Variants in RIF1 observed in about 807,000 individuals in gnomAD.
RIF1 encodes the protein replication timing regulatory factor 1.
In RIF1, 45 loss-of-function variants were observed where a neutral mutation model predicts 247.1. The observed-to-expected ratio is 0.18, with a 90% CI of 0.14 to 0.23. The LOEUF (loss-of-function observed/expected upper bound fraction) is 0.23, where lower values mean the gene tolerates loss of function less well. RIF1 is among the 10% of genes least tolerant of loss of function. RIF1 has a pLI of 1.00. For missense variants in RIF1, 2,967 were observed against 2,862.5 expected (o/e 1.04, Z -0.83); for synonymous variants, 1,087 against 978.8 (o/e 1.11, Z -2.06).
the RIF1 span, chr2:151,534,382 CAAGGTA>C: frequency 1.4e-6 from 2 of 1,396,098 alleles, no homozygotes; most frequent in Non-Finnish European, 2.0e-6. Context: ...AAAAATGTCT[CAAGGTA>C]AACACTCCAG....
chr2:151,492,924 T>G (rs1321112786), intron 9 of RIF1: 1 of 180,076 alleles, frequency 5.6e-6, no homozygotes, highest in Non-Finnish European at 1.2e-5. Flanking sequence ...GAAATCAAAG[T>G]CCTCCAGACA....
rs1444817025 is a variant in RIF1, at chr2:151,480,521, A to G, written c.*5450A>G. ...CTCTGAGAGCTATTCTGTACATAGC[A>G]CAGTATTATAATTGATGTTCATAAA... On this transcript the variant is annotated 3_prime_UTR_variant, in exon 36 of 36. Transcript: ENST00000444746. 4 of 152,322 alleles carry G rather than the reference A, an allele frequency of 2.6e-5. No individual in the cohort carries two copies. In the East Asian group the frequency reaches 7.7e-4, roughly 29 times the overall value. The allele number at this position is 152,322 out of a possible 1,614,324, so 9.4% of individuals were successfully genotyped here. A position where few individuals can be genotyped will look rare whatever the true frequency, so the allele number is the denominator to read the frequency against.
intron 22 of RIF1, among the ~76,000 whole-genome samples, chr2:151,456,260 C>G (rs1695181500): frequency 6.6e-6 from 1 of 152,150 alleles, no homozygotes; most frequent in African/African-American, 2.4e-5. Context: ...AATCCATGAA[C>G]TTTTCTTTGC....
intron 9 of RIF1, chr2:151,491,544 A>G: frequency 1.4e-6 from 1 of 730,140 alleles, no homozygotes; most frequent in Admixed American, 2.3e-5. Context: ...CTAGTTAACA[A>G]GGTATTTTTA....
At chr2:151,518,258 T>G in the RIF1 span, 1 of 1,227,326 alleles carries the variant, frequency 8.1e-7, no homozygotes, top group Non-Finnish European at 1.2e-6. Context: ...TGAAATTTTT[T>G]TTCACATTGT....
chr2:151,451,563 C>T (rs2152437653), intron 20 of RIF1, 43 bp from the exon 21 acceptor site: 1 of 920,060 alleles, frequency 1.1e-6, no homozygotes, highest in South Asian at 1.3e-5. Context: ...TGAATACTGT[C>T]CCAGTACTTG....
chr2:151,491,512 T>C (rs1444036330), intron 9 of RIF1: 8 of 562,530 alleles, frequency 1.4e-5, no homozygotes, highest in South Asian at 4.5e-5. Flanking sequence ...CTTGAACTTA[T>C]CTAGAAAGTA....
At chr2:151,451,342 CTA>C (rs1348707450) in intron 20 of RIF1, among the ~76,000 whole-genome samples, 1 of 152,144 alleles carries the variant, frequency 6.6e-6, no homozygotes, top group Admixed American at 6.5e-5. Context: ...GAACAACAGA[CTA>C]TATAGGTGTG....
rs540531562 is a variant in RIF1 at position 151,420,493 on chromosome 2, C to T, written c.693+114C>T. On this transcript the variant is annotated intron_variant, in intron 7 of 35. Transcript: ENST00000444746. ...GTGGCTCTCACCTGTAGTCCCAAAG[C>T]GGGAGGCTGAGGTGGGAGGATTGCT... 53 of 972,790 alleles carry T rather than the reference C, an allele frequency of 5.4e-5. 1 individual carries two copies. In the South Asian group the frequency reaches 6.1e-4, roughly 11 times the overall value. The allele number at this position is 972,790 out of a possible 1,614,324, so 60.3% of individuals were successfully genotyped here.
Position 151,477,743 on chromosome 2 carries a change from C to T in RIF1, c.*2672C>T, listed in dbSNP as rs1466696960. The T allele has an allele frequency of 6.6e-6, 1 of 150,414 alleles. No homozygotes were observed. 9.3% of individuals were successfully genotyped at this position (150,414 alleles called of 1,614,324 possible). A position where few individuals can be genotyped will look rare whatever the true frequency, so the allele number is the denominator to read the frequency against. ...TTTTTTTTGAGGTGGAGTTTTCGCC[C>T]TTGCTGCCCAGGCTGGAGTGCAGTG... On this transcript the variant is annotated 3_prime_UTR_variant, in exon 36 of 36. Coordinates refer to ENST00000444746, the MANE Select transcript of RIF1 (RefSeq NM_018151.5).
At chr2:151,468,833 C>A in intron 33 of RIF1, 77 bp downstream of exon 33, 1 of 1,045,148 alleles carries the variant, frequency 9.6e-7, no homozygotes, top group Non-Finnish European at 1.5e-6. Context: ...TTGCTTGGTT[C>A]TCATGTTTAG....
At position 151,503,441 on chromosome 2, in the gene RIF1, C is replaced by T. The variant is rs767404419; in HGVS notation, c.*861+256C>T. 1.3e-6 allele frequency: 2 copies of T among 1,595,566 alleles called. No individual in the cohort carries two copies. The highest frequency in any genetic ancestry group is 1.7e-6 in the Non-Finnish European group (2 of 1,163,534). On this transcript the variant is annotated intron_variant and NMD_transcript_variant, in intron 12 of 13. Coordinates refer to the RIF1 transcript ENST00000454583. ...GTTCCCAAGTTTTCTTTGTACATAA[C>T]CTGTAGAAAATAATTAGAATACCCA...
chr2:151,498,366 A>C (rs1172232563), intron 10 of RIF1: 1 of 1,520,916 alleles, frequency 6.6e-7, no homozygotes, highest in Admixed American at 2.0e-5. Flanking sequence ...TATGATGAGA[A>C]AGCATCCAGA....
the RIF1 span, chr2:151,518,407 T>A: frequency 2.5e-6 from 4 of 1,606,624 alleles, no homozygotes; most frequent in South Asian, 1.1e-5. Context: ...TTCTCATACT[T>A]CTTCTTGTAC....
chr2:151,426,199 G>C (rs1315019563), intron 8 of RIF1, among the ~76,000 whole-genome samples: 6 of 60,598 alleles, frequency 9.9e-5, no homozygotes, highest in African/African-American at 2.9e-4. Context: ...TTTTGAGCTG[G>C]AGACTGTCCG....
At chr2:151,468,441 T>C (rs1274029979) in intron 31 of RIF1, 33 bp from the exon 32 acceptor site, 4 of 1,511,546 alleles carry the variant, frequency 2.6e-6, no homozygotes, top group South Asian at 2.3e-5. Context: ...TCTAGGGTTC[T>C]GAGTGTTTTT....
intron 12 of RIF1, among the ~76,000 whole-genome samples, chr2:151,503,702 A>G (rs2066522550): frequency 6.6e-6 from 1 of 152,214 alleles, no homozygotes; most frequent in Non-Finnish European, 1.5e-5. Context: ...GCATTAATAA[A>G]TAAATTTACC....
At chr2:151,490,696 A>T (rs1203576276) in intron 9 of RIF1, among the ~76,000 whole-genome samples, 1 of 152,214 alleles carries the variant, frequency 6.6e-6, no homozygotes, top group Non-Finnish European at 1.5e-5. Context: ...ATTTTTACAG[A>T]TGAGAGCTTA....
chr2:151,442,551 C>T (rs1240283450), intron 16 of RIF1, among the ~76,000 whole-genome samples: 1 of 151,872 alleles, frequency 6.6e-6, no homozygotes, highest in African/African-American at 2.4e-5. Context: ...ATAAATGGCT[C>T]CAAAAGGAAA....
Sources: gnomAD v4.1 joint callset for allele counts (sites outside exome capture counted in the v4.1 genomes callset) on GRCh38, gnomAD v4.1.1 for gene constraint, MANE v1.5 for transcripts, NCBI Gene and HGNC (gene_info 2026-07-23, HGNC 2026-07-21) for gene names.